PRMT6: variants seen among roughly 807,000 people sequenced by gnomAD.
The protein encoded by PRMT6 is protein arginine N-methyltransferase 6.
PRMT6 carries 23 observed loss-of-function variants against 30.5 expected under a neutral mutation model. That is an observed-to-expected ratio of 0.75 (90% CI 0.54 to 1.07). PRMT6 has a LOEUF of 1.07. PRMT6 is among the 50% of genes least tolerant of loss of function. The pLI, the probability that PRMT6 is intolerant of heterozygous loss-of-function variation, is 0.00. For synonymous variants in PRMT6, 265 were observed against 228.0 expected (o/e 1.16, Z -1.46); for missense variants, 528 against 514.3 (o/e 1.03, Z -0.26).
chr1:107,057,258 C>A lies in PRMT6; in HGVS notation c.543C>A (p.Gly181=), dbSNP rs377462998. 237 of 1,614,012 alleles carry A rather than the reference C, an allele frequency of 1.5e-4. 2 individuals are homozygous for A. In the African/African-American group the frequency reaches 2.9e-3, roughly 20 times the overall value. Residue 181 remains glycine, a synonymous_variant, in exon 1 of 1, where the codon GGC becomes GGA. Transcript: ENST00000370078. ...LHARTKWLKE[G]GLLLPASAEL... is the part of the protein sequence containing the mutation. Reference sequence around the variant, plus strand: ...CGCGAACCAAGTGGCTGAAGGAGGGCGGTCTTCTCCTGCCGGCCTCCGCCG... The same window carrying A: ...CGCGAACCAAGTGGCTGAAGGAGGGAGGTCTTCTCCTGCCGGCCTCCGCCG...
chr1:107,057,633 G>A lies in PRMT6; in HGVS notation c.918G>A (p.Val306=). 1 of 1,614,228 alleles carries A rather than the reference G, an allele frequency of 6.2e-7. No homozygotes were observed. Among genetic ancestry groups the A allele is most frequent in the Non-Finnish European group, 8.5e-7 (1 of 1,180,048 alleles). The change falls in exon 1 of 1, where the codon GTG becomes GTA. Residue 306 remains valine, a synonymous_variant. Transcript: ENST00000370078. The part of the protein sequence containing the change: ...FPGGESEKPL[V]LSTSPFHPAT... ...GAGGGGAGTCGGAGAAACCCCTGGT[G>A]CTGTCCACCTCGCCTTTTCACCCGG...
chr1:107,058,039 A>C lies in PRMT6; in HGVS notation c.*196A>C, dbSNP rs1651772804. 1.3e-6 allele frequency: 1 copy of C among 774,132 alleles called. No individual in the cohort carries two copies. Among genetic ancestry groups the C allele is most frequent in the Admixed American group, 2.7e-5 (1 of 36,504 alleles). 48.0% of individuals were successfully genotyped at this position (774,132 alleles called of 1,614,324 possible). ...TTCTTCTGGTGATGTTTACTTAAAA[A>C]GTGATCCCCCTCAACAACGGATACA... On this transcript the variant is annotated 3_prime_UTR_variant, in exon 1 of 1. Coordinates refer to ENST00000370078, the MANE Select transcript of PRMT6 (RefSeq NM_018137.3).
At position 107,057,214 on chromosome 1, in the gene PRMT6, C is replaced by A. The variant is rs1651742786; in HGVS notation, c.499C>A (p.Leu167Met). ...MGYGLLHESM[L>M]SSVLHARTKW... ...CTACGGACTCCTGCACGAGTCCATG[C>A]TGAGCTCCGTCCTCCACGCGCGAAC... The change falls in exon 1 of 1, where the codon CTG becomes ATG. Residue 167 changes from leucine (L) to methionine (M), a missense_variant. Transcript: ENST00000370078. The A allele has an allele frequency of 6.2e-7, 1 of 1,613,576 alleles. No homozygotes were observed. The highest frequency in any genetic ancestry group is 8.5e-7 in the Non-Finnish European group (1 of 1,180,044).
At position 107,057,825 on chromosome 1, in the gene PRMT6, CT is replaced by C. The variant is rs776413733; in HGVS notation, c.1113del (p.Phe371LeufsTer19). On this transcript the variant is annotated frameshift_variant, in exon 1 of 1. Coordinates refer to ENST00000370078, the MANE Select transcript of PRMT6 (RefSeq NM_018137.3). LOFTEE classifies it high-confidence loss of function. The stretch of plus-strand genomic sequence containing the variant: ...GAGACCAGGAGGAGAAGACCAAAGA[CT>C]TTGCCATGGAGGACTGAGCGTTGCC... ...VGDQEEKTKDFAMED is the reference protein window; with the variant it reads ...VGDQEEKTKDXAMED 6.3e-7 allele frequency: 1 copy of C among 1,584,704 alleles called. No individual in the cohort carries two copies. Among genetic ancestry groups the C allele is most frequent in the African/African-American group, 1.3e-5 (1 of 74,180 alleles).
chr1:107,057,427 G>T lies in PRMT6; in HGVS notation c.712G>T (p.Val238Leu). Residue 238 changes from valine to leucine, a missense_variant, in exon 1 of 1, where the codon GTG (valine) becomes TTG (leucine). Physicochemically the swap from Val to Leu is conservative, Grantham distance 32. Coordinates refer to ENST00000370078, the MANE Select transcript of PRMT6 (RefSeq NM_018137.3). The stretch of plus-strand genomic sequence containing the variant: ...TCTCATGGGCCACTCGGAGATCGTT[G>T]TGCAGGGATTGTCCGGCGAGGACGT... Reference protein sequence around the residue: ...RCLMGHSEIVVQGLSGEDVLA... With the variant: ...RCLMGHSEIVLQGLSGEDVLA... 1 of 1,613,656 alleles carries T rather than the reference G, an allele frequency of 6.2e-7. No individual in the cohort carries two copies. The highest frequency in any genetic ancestry group is 8.5e-7 in the Non-Finnish European group (1 of 1,179,950).
At position 107,057,158 on chromosome 1, in the gene PRMT6, A is replaced by C; in HGVS notation, c.443A>C (p.Gln148Pro). The change falls in exon 1 of 1, where the codon CAG becomes CCG. Residue 148 changes from glutamine (Q) to proline (P), a missense_variant. Physicochemically the swap from Gln to Pro is moderately conservative, Grantham distance 76. Coordinates refer to ENST00000370078, the MANE Select transcript of PRMT6 (RefSeq NM_018137.3). ...GTGGAGACTGTAGAGTTGCCGGAAC[A>C]GGTGGATGCCATCGTGAGCGAGTGG... ...GPVETVELPE[Q>P]VDAIVSEWMG... The C allele has an allele frequency of 6.2e-7, 1 of 1,608,928 alleles. No individual in the cohort carries two copies. The highest frequency in any genetic ancestry group is 1.1e-5 in the South Asian group (1 of 91,086).
At position 107,057,080 on chromosome 1, in the gene PRMT6, A is replaced by T; in HGVS notation, c.365A>T (p.Glu122Val). Residue 122 changes from glutamate to valine, a missense_variant, in exon 1 of 1, where the codon GAG (glutamate) becomes GTG (valine). By Grantham distance (121) the Glu-to-Val change is moderately radical (BLOSUM62 -2). Coordinates refer to ENST00000370078, the MANE Select transcript of PRMT6 (RefSeq NM_018137.3). Reference protein sequence around the residue: ...EASAIWQQAREVVRFNGLEDR... With the variant: ...EASAIWQQARVVVRFNGLEDR... The stretch of plus-strand genomic sequence containing the variant: ...AGCGCCATCTGGCAACAGGCCCGGG[A>T]GGTGGTGCGGTTCAACGGGCTGGAG... 1 of 1,609,478 alleles carries T rather than the reference A, an allele frequency of 6.2e-7. No homozygotes were observed. Among genetic ancestry groups the T allele is most frequent in the East Asian group, 2.2e-5 (1 of 44,816 alleles).
Position 107,056,784 on chromosome 1 carries a change from G to C in PRMT6, c.69G>C (p.Glu23Asp). Reference protein sequence around the residue: ...GGGEGGEGTEEEDGAEREAAL... With the variant: ...GGGEGGEGTEDEDGAEREAAL... ...GCGAAGGAGGGGAGGGAACTGAAGA[G>C]GAAGATGGCGCGGAGCGGGAGGCGG... The change falls in exon 1 of 1, where the codon GAG becomes GAC. Residue 23 changes from glutamate (E) to aspartate (D), a missense_variant. By Grantham distance (45) the Glu-to-Asp change is conservative. Transcript: ENST00000370078. 6.4e-7 allele frequency: 1 copy of C among 1,565,790 alleles called. No homozygotes were observed. The highest frequency in any genetic ancestry group is 8.7e-7 in the Non-Finnish European group (1 of 1,155,144).
At position 107,057,531 on chromosome 1, in the gene PRMT6, C is replaced by T. The variant is rs2100939664; in HGVS notation, c.816C>T (p.Gly272=). 6.2e-7 allele frequency: 1 copy of T among 1,613,472 alleles called. No homozygotes were observed. Among genetic ancestry groups the T allele is most frequent in the Non-Finnish European group, 8.5e-7 (1 of 1,179,860 alleles). ...GLEQELEAGV[G]GRFRCSCYGS... ...AGCAGGAGCTGGAGGCCGGAGTGGG[C>T]GGGCGCTTCCGCTGCAGCTGCTATG... The change falls in exon 1 of 1, where the codon GGC becomes GGT. Residue 272 remains glycine (G), a synonymous_variant. Coordinates refer to ENST00000370078, the MANE Select transcript of PRMT6 (RefSeq NM_018137.3).
In PRMT6 at chr1:107,059,165, T is replaced by G. The variant is rs1223802151; in HGVS notation, c.*1322T>G. ...TCAAACTATGCTTAATGTATGATTT[T>G]CGAGCTTCTGTATGCTAAGAAAATA... On this transcript the variant is annotated 3_prime_UTR_variant, in exon 1 of 1. Transcript: ENST00000370078. 1.2e-5 allele frequency: 2 copies of G among 167,036 alleles called. No homozygotes were observed. The highest frequency in any genetic ancestry group is 1.5e-5 in the Non-Finnish European group (1 of 68,112). 10.3% of individuals were successfully genotyped at this position (167,036 alleles called of 1,614,324 possible).
In PRMT6 at chr1:107,057,056, G is replaced by T; in HGVS notation, c.341G>T (p.Ser114Ile). 1 of 1,611,846 alleles carries T rather than the reference G, an allele frequency of 6.2e-7. No individual in the cohort carries two copies. Among genetic ancestry groups the T allele is most frequent in the South Asian group, 1.1e-5 (1 of 90,990 alleles). ...GARRVYAVEASAIWQQAREVV... is the reference protein window; with the variant it reads ...GARRVYAVEAIAIWQQAREVV... ...CGGCGCGTGTACGCGGTAGAGGCCA[G>T]CGCCATCTGGCAACAGGCCCGGGAG... Residue 114 changes from serine (S) to isoleucine (I), a missense_variant, in exon 1 of 1, where the codon AGC becomes ATC. Coordinates refer to ENST00000370078, the MANE Select transcript of PRMT6 (RefSeq NM_018137.3).
Position 107,058,862 on chromosome 1 carries a change from AGTTTT to A in PRMT6, c.*1040_*1044del, listed in dbSNP as rs3838483. 1.3e-4 allele frequency: 21 copies of A among 167,148 alleles called. No individual in the cohort carries two copies. The highest frequency in any genetic ancestry group is 1.9e-4 in the East Asian group (1 of 5,196). The allele number at this position is 167,148 out of a possible 1,614,324, so 10.4% of individuals were successfully genotyped here. A position where few individuals can be genotyped will look rare whatever the true frequency, so the allele number is the denominator to read the frequency against. On this transcript the variant is annotated 3_prime_UTR_variant, in exon 1 of 1. Transcript: ENST00000370078. ...TACAAGTAGTGAAAGTTCCCTTTTCAGTTTTGTTTTGTTTTGTTTTGTTTTTCTCT... is the reference window on the plus strand; with the variant it reads ...TACAAGTAGTGAAAGTTCCCTTTTCAGTTTTGTTTTGTTTTGTTTTTCTCT...
rs554967072 is a variant in PRMT6, at chr1:107,057,910, C to T, written c.*67C>T. The T allele has an allele frequency of 1.7e-5, 27 of 1,549,792 alleles. No homozygotes were observed. In the South Asian group the frequency reaches 3.0e-4, roughly 17 times the overall value. ...CTGCGTGGGAGAGGCGTAGCGAGGTCGGAGGGGAAAGGGAGATCCCACGTG... is the reference window on the plus strand; with the variant it reads ...CTGCGTGGGAGAGGCGTAGCGAGGTTGGAGGGGAAAGGGAGATCCCACGTG... On this transcript the variant is annotated 3_prime_UTR_variant, in exon 1 of 1. Transcript: ENST00000370078.
rs563177351 is a variant in PRMT6, at chr1:107,057,632, T to G, written c.917T>G (p.Val306Gly). The stretch of plus-strand genomic sequence containing the variant: ...GGAGGGGAGTCGGAGAAACCCCTGG[T>G]GCTGTCCACCTCGCCTTTTCACCCG... ...FPGGESEKPL[V>G]LSTSPFHPAT... The change falls in exon 1 of 1, where the codon GTG becomes GGG. Residue 306 changes from valine (V) to glycine (G), a missense_variant. By Grantham distance (109) the Val-to-Gly change is moderately radical (BLOSUM62 -3). Coordinates refer to ENST00000370078, the MANE Select transcript of PRMT6 (RefSeq NM_018137.3). The G allele has an allele frequency of 3.5e-5, 56 of 1,614,088 alleles. No individual in the cohort carries two copies. The highest frequency in any genetic ancestry group is 4.5e-5 in the Non-Finnish European group (53 of 1,180,056).
In PRMT6 at chr1:107,057,491, C is replaced by T; in HGVS notation, c.776C>T (p.Ser259Phe). Residue 259 changes from serine to phenylalanine, a missense_variant, in exon 1 of 1, where the codon TCC becomes TTC. Coordinates refer to ENST00000370078, the MANE Select transcript of PRMT6 (RefSeq NM_018137.3). ...RPQRFAQLELSRAGLEQELEA... is the reference protein window; with the variant it reads ...RPQRFAQLELFRAGLEQELEA... ...CAGCGCTTTGCTCAGCTAGAGCTCT[C>T]CCGCGCCGGCTTGGAGCAGGAGCTG... 1 of 1,613,170 alleles carries T rather than the reference C, an allele frequency of 6.2e-7. No homozygotes were observed. Among genetic ancestry groups the T allele is most frequent in the Non-Finnish European group, 8.5e-7 (1 of 1,179,700 alleles).
rs1651796457 is a variant in PRMT6, at chr1:107,059,130, T to C, written c.*1287T>C. The stretch of plus-strand genomic sequence containing the variant: ...GTTACAGCCCCTTCAGAATATAACT[T>C]CAGGACAATTCAAACTATGCTTAAT... On this transcript the variant is annotated 3_prime_UTR_variant, in exon 1 of 1. Transcript: ENST00000370078. 1 of 167,012 alleles carries C rather than the reference T, an allele frequency of 6.0e-6. No homozygotes were observed. The highest frequency in any genetic ancestry group is 1.5e-5 in the Non-Finnish European group (1 of 68,104). 10.3% of individuals were successfully genotyped at this position (167,012 alleles called of 1,614,324 possible).
chr1:107,057,296 C>A lies in PRMT6; in HGVS notation c.581C>A (p.Ala194Asp), dbSNP rs2232016. 3.1e-6 allele frequency: 5 copies of A among 1,613,854 alleles called. No individual in the cohort carries two copies. Among genetic ancestry groups the A allele is most frequent in the African/African-American group, 2.7e-5 (2 of 74,946 alleles). The change falls in exon 1 of 1, where the codon GCC becomes GAC. Residue 194 changes from alanine to aspartate, a missense_variant. Coordinates refer to ENST00000370078, the MANE Select transcript of PRMT6 (RefSeq NM_018137.3). ...CCGGCCTCCGCCGAGCTCTTCATAGCCCCCATCAGCGACCAGATGCTGGAA... is the reference window on the plus strand; with the variant it reads ...CCGGCCTCCGCCGAGCTCTTCATAGACCCCATCAGCGACCAGATGCTGGAA... ...LLPASAELFIAPISDQMLEWR... is the reference protein window; with the variant it reads ...LLPASAELFIDPISDQMLEWR...
rs868743686 is a variant in PRMT6, at chr1:107,058,140, C to T, written c.*297C>T. The stretch of plus-strand genomic sequence containing the variant: ...TTGTATTTCCGTATATTTTGTTTCG[C>T]GGGGGAGTGAGGGGGAAGAACACGG... On this transcript the variant is annotated 3_prime_UTR_variant, in exon 1 of 1. Coordinates refer to ENST00000370078, the MANE Select transcript of PRMT6 (RefSeq NM_018137.3). 1 of 451,652 alleles carries T rather than the reference C, an allele frequency of 2.2e-6. No individual in the cohort carries two copies. Among genetic ancestry groups the T allele is most frequent in the Admixed American group, 3.7e-5 (1 of 27,212 alleles). The allele number at this position is 451,652 out of a possible 1,614,324, so 28.0% of individuals were successfully genotyped here.
chr1:107,056,832 T>C lies in PRMT6; in HGVS notation c.117T>C (p.Thr39=), dbSNP rs1377693829. 6.2e-7 allele frequency: 1 copy of C among 1,608,406 alleles called. No individual in the cohort carries two copies. The highest frequency in any genetic ancestry group is 8.5e-7 in the Non-Finnish European group (1 of 1,177,450). The part of the protein sequence containing the change: ...REAALERPRR[T]KRERDQLYYE... Reference sequence around the variant, plus strand: ...CGGCCCTGGAGCGACCCCGGAGGACTAAGCGGGAACGGGACCAGCTGTACT... The same window carrying C: ...CGGCCCTGGAGCGACCCCGGAGGACCAAGCGGGAACGGGACCAGCTGTACT... The change falls in exon 1 of 1, where the codon ACT becomes ACC. Residue 39 remains threonine (T), a synonymous_variant. Transcript: ENST00000370078.
Sources: gnomAD v4.1 joint callset for allele counts on GRCh38, gnomAD v4.1.1 for gene constraint, MANE v1.5 for transcripts, NCBI Gene and HGNC (gene_info 2026-07-23, HGNC 2026-07-21) for gene names.